PCDHGA4: variants seen among roughly 807,000 people sequenced by gnomAD.
PCDHGA4 encodes the protein protocadherin gamma-A4.
Under a neutral mutation model 54.6 loss-of-function variants are expected in PCDHGA4, and 38 were observed. That is an observed-to-expected ratio of 0.70 (90% CI 0.54 to 0.91). The LOEUF is 0.91. Ranked by LOEUF, PCDHGA4 falls within the 40% of genes least tolerant of loss-of-function variation. PCDHGA4 has a pLI of 0.00. For synonymous variants in PCDHGA4, 511 were observed against 512.9 expected, an observed-to-expected ratio of 1.00 and a Z score of 0.05; for missense variants, 1,298 against 1,220.9, an observed-to-expected ratio of 1.06 and a Z score of -0.94.
At chr5:141,451,091 G>A (rs2098706622) in intron 1 of PCDHGA4, among the ~76,000 whole-genome samples, 1 of 151,962 alleles carries the variant, frequency 6.6e-6, no homozygotes, top group South Asian at 2.1e-4. Context: ...ACCTCCCAAA[G>A]TGTTGGGATT....
At position 141,476,980 on chromosome 5, in the gene PCDHGA4, C is replaced by T; in HGVS notation, c.2515-17827C>T. 6.2e-7 allele frequency: 1 copy of T among 1,614,232 alleles called. No individual in the cohort carries two copies. Among genetic ancestry groups the T allele is most frequent in the Non-Finnish European group, 8.5e-7 (1 of 1,180,044 alleles). On this transcript the variant is annotated intron_variant, in intron 1 of 3. Coordinates refer to ENST00000571252, the MANE Select transcript of PCDHGA4 (RefSeq NM_018917.4). This position sits in a 1 kb window ranked among gnomAD's most constrained non-coding sequence, Gnocchi z 7.6. Reference sequence around the variant, plus strand: ...TTTACTCCTTCGGCAGCCACAACCGCGCCGGCGTGCGGCAACTATTCGCCT... The same window carrying T: ...TTTACTCCTTCGGCAGCCACAACCGTGCCGGCGTGCGGCAACTATTCGCCT...
At chr5:141,438,957 C>T (rs1292059651) in intron 1 of PCDHGA4, among the ~76,000 whole-genome samples, 1 of 152,026 alleles carries the variant, frequency 6.6e-6, no homozygotes, top group Non-Finnish European at 1.5e-5. Context: ...TGAGCCACCG[C>T]ACCCTGCCAA....
intron 1 of PCDHGA4, among the ~76,000 whole-genome samples, chr5:141,456,023 G>A (rs937523861): frequency 1.3e-5 from 2 of 151,586 alleles, no homozygotes; most frequent in South Asian, 2.1e-4. Context: ...TCAGCCTCCC[G>A]AGTAGCTGGG....
rs755293492 is a variant in PCDHGA4 at position 141,394,003 on chromosome 5, C to A, written c.2514+36382C>A. On this transcript the variant is annotated intron_variant, in intron 1 of 3. Transcript: ENST00000571252. ...AATTTACCTTTTAAATTAGAAAAGT[C>A]AATAGGTAATTATTATAGATTAGTG... The A allele has an allele frequency of 1.9e-6, 3 of 1,613,310 alleles. No homozygotes were observed. The South Asian group carries it at 3.3e-5, about 18-fold the overall frequency.
Position 141,420,043 on chromosome 5 carries a change from G to T in PCDHGA4, c.2514+62422G>T, listed in dbSNP as rs747553514. On this transcript the variant is annotated intron_variant, in intron 1 of 3. Coordinates refer to ENST00000571252, the MANE Select transcript of PCDHGA4 (RefSeq NM_018917.4). ...GCCCTACTGCAGGAGACTGCTTTGAGTCAGTTCTCTGCTCCAAGTCCGGAC... is the reference window on the plus strand; with the variant it reads ...GCCCTACTGCAGGAGACTGCTTTGATTCAGTTCTCTGCTCCAAGTCCGGAC... The T allele has an allele frequency of 1.9e-6, 3 of 1,614,078 alleles. No individual in the cohort carries two copies. In the Admixed American group the frequency reaches 5.0e-5, roughly 27 times the overall value.
At chr5:141,401,214 C>T (rs894124786) in intron 1 of PCDHGA4, among the ~76,000 whole-genome samples, 4 of 151,920 alleles carry the variant, frequency 2.6e-5, no homozygotes, top group Non-Finnish European at 4.4e-5. Context: ...TGGTGGCGGG[C>T]GCCTGTAATC....
chr5:141,491,932 G>A lies in PCDHGA4; in HGVS notation c.2515-2875G>A. Reference sequence around the variant, plus strand: ...GGCGACTGTGGGCGAGGGGAGGTGGGACCGACCCCCACCCCTACACTCAAA... The same window carrying A: ...GGCGACTGTGGGCGAGGGGAGGTGGAACCGACCCCCACCCCTACACTCAAA... On this transcript the variant is annotated intron_variant, in intron 1 of 3. Transcript: ENST00000571252. This position sits in a 1 kb window ranked among gnomAD's most constrained non-coding sequence, Gnocchi z 6.9. 1 of 1,259,014 alleles carries A rather than the reference G, an allele frequency of 7.9e-7. No homozygotes were observed. The highest frequency in any genetic ancestry group is 1.1e-6 in the Non-Finnish European group (1 of 926,048). The allele number at this position is 1,259,014 out of a possible 1,614,324, so 78.0% of individuals were successfully genotyped here. A position where few individuals can be genotyped will look rare whatever the true frequency, so the allele number is the denominator to read the frequency against.
chr5:141,462,552 T>A (rs966816379), intron 1 of PCDHGA4, among the ~76,000 whole-genome samples: 1 of 152,194 alleles, frequency 6.6e-6, no homozygotes, highest in Non-Finnish European at 1.5e-5. Context: ...TCTTCTTCAG[T>A]GTTTACTGTA....
intron 1 of PCDHGA4, chr5:141,417,686 G>A (rs1300052006): frequency 8.4e-6 from 9 of 1,068,196 alleles, no homozygotes; most frequent in South Asian, 1.8e-5. Context: ...CAACAGAAAA[G>A]AAAACCAGCT....
chr5:141,416,441 T>C (rs2096024396), intron 1 of PCDHGA4: 1 of 152,162 alleles, frequency 6.6e-6, no homozygotes, highest in Non-Finnish European at 1.5e-5. Flanking sequence ...TGAAAGTAAA[T>C]ATGGGTTGGG....
At chr5:141,399,375 C>A (rs548275013) in intron 1 of PCDHGA4, 2 of 1,614,016 alleles carry the variant, frequency 1.2e-6, no homozygotes, top group Non-Finnish European at 1.7e-6. Context: ...AGTACAATGT[C>A]ACCATCACAG....
chr5:141,414,371 A>G (rs1447111430), intron 1 of PCDHGA4: 1 of 1,613,954 alleles, frequency 6.2e-7, no homozygotes, highest in South Asian at 1.1e-5. Flanking sequence ...TTTAAATTAG[A>G]AAAGTCCATT....
At chr5:141,385,585 C>G (rs1051281848) in intron 1 of PCDHGA4, 41 of 1,267,842 alleles carry the variant, frequency 3.2e-5, no homozygotes, top group Admixed American at 1.9e-4. Context: ...AATCTATGTT[C>G]CAACCTACTT....
chr5:141,372,258 C>T (rs762173867), intron 1 of PCDHGA4: 1 of 1,613,070 alleles, frequency 6.2e-7, no homozygotes, highest in African/African-American at 1.3e-5. Context: ...CCTGGGCCTG[C>T]GCACGGGTGA....
intron 2 of PCDHGA4, among the ~76,000 whole-genome samples, chr5:141,499,689 CTTTTT>C (rs545067566): frequency 3.3e-5 from 4 of 119,852 alleles, no homozygotes; most frequent in Non-Finnish European, 3.5e-5. Flanking sequence ...TAACAGATGA[CTTTTT>C]TTTTTTTTTT....
In PCDHGA4 at chr5:141,357,363, G is replaced by T. The variant is rs1169446996; in HGVS notation, c.2256G>T (p.Lys752Asn). The change falls in exon 1 of 4, where the codon AAG becomes AAT. Residue 752 changes from lysine to asparagine, a missense_variant. Lys to Asn is a moderately conservative substitution (Grantham distance 94, BLOSUM62 0). Coordinates refer to ENST00000571252, the MANE Select transcript of PCDHGA4 (RefSeq NM_018917.4). ...CACTCAAGCTGAGACGCTGGCACAA[G>T]TCACGCCTGCTTCACGCTGAAGGCA... is the stretch of plus-strand genomic sequence containing the variant. ...LLALKLRRWHKSRLLHAEGSR... is the reference protein window; with the variant it reads ...LLALKLRRWHNSRLLHAEGSR... 6.2e-7 allele frequency: 1 copy of T among 1,614,040 alleles called. No homozygotes were observed. The highest frequency in any genetic ancestry group is 1.3e-5 in the African/African-American group (1 of 74,954).
intron 1 of PCDHGA4, chr5:141,430,741 A>T (rs370226249): frequency 6.7e-6 from 10 of 1,498,900 alleles, no homozygotes; most frequent in Non-Finnish European, 8.9e-6. Flanking sequence ...ATTGAAAATA[A>T]TTCTGGAGGA....
intron 1 of PCDHGA4, chr5:141,423,659 A>C (rs369390148): frequency 6.4e-7 from 1 of 1,551,038 alleles, no homozygotes; most frequent in African/African-American, 1.4e-5. Flanking sequence ...ACAAGTAATC[A>C]GGTGAGATTT....
intron 1 of PCDHGA4, chr5:141,361,463 C>T: frequency 6.2e-7 from 1 of 1,614,070 alleles, no homozygotes; most frequent in South Asian, 1.1e-5. Context: ...CTGCACATCT[C>T]CGACGTCAAC....
Sources: allele counts gnomAD v4.1 joint callset (sites outside exome capture counted in the v4.1 genomes callset), GRCh38; gene constraint gnomAD v4.1.1; non-coding constraint Gnocchi (gnomAD v3.1); transcripts MANE v1.5; gene names NCBI Gene and HGNC (gene_info 2026-07-23, HGNC 2026-07-21).